Variants in DACH1 observed in about 807,000 individuals in gnomAD.
DACH1 encodes the protein dachshund family transcription factor 1, also known as dachshund homolog 1.
A neutral mutation model predicts 54.2 loss-of-function variants in DACH1; 12 were observed. That is an observed-to-expected ratio of 0.22 (90% CI 0.14 to 0.36). DACH1 has a LOEUF of 0.36. DACH1 is among the 10% of genes least tolerant of loss of function. DACH1 has a pLI of 1.00. For synonymous variants in DACH1, 386 were observed against 366.2 expected (o/e 1.05, Z -0.62); for missense variants, 805 against 929.8 (o/e 0.87, Z 1.75).
At chr13:71,669,386 G>A (rs1880076397) in intron 2 of DACH1, among the ~76,000 whole-genome samples, 4 of 152,146 alleles carry the variant, frequency 2.6e-5, no homozygotes, top group South Asian at 2.1e-4. Flanking sequence ...CTGCACATGC[G>A]AGAGATCTAG....
intron 3 of DACH1, among the ~76,000 whole-genome samples, chr13:71,599,300 T>A (rs1311856766): frequency 6.6e-6 from 1 of 152,138 alleles, no homozygotes; most frequent in African/African-American, 2.4e-5. Flanking sequence ...TTTAGCTAAA[T>A]CAAATGAATT....
At chr13:71,804,701 C>T (rs571741556) in intron 1 of DACH1, among the ~76,000 whole-genome samples, 54 of 152,244 alleles carry the variant, frequency 3.5e-4, no homozygotes, top group Non-Finnish European at 6.0e-4. Context: ...TGTTAAGGTA[C>T]TAGTCAAAGT....
Position 71,532,259 on chromosome 13 carries a change from C to G in DACH1, c.1570+24765G>C, listed in dbSNP as rs533788373. On this transcript the variant is annotated intron_variant, in intron 6 of 10. Transcript: ENST00000613252. ...TTAGACTATATTGTTAAAATCTAACCTTTCAAGAGAGTTTAAGAAAAAGAT... is the reference window on the plus strand; with the variant it reads ...TTAGACTATATTGTTAAAATCTAACGTTTCAAGAGAGTTTAAGAAAAAGAT... 2.0e-5 allele frequency among the ~76,000 whole-genome samples: 3 copies of G among 151,816 alleles called. No individual in the cohort carries two copies. In the South Asian group the frequency reaches 6.2e-4, roughly 32 times the overall value.
At chr13:71,687,715 C>G (rs1169276406) in intron 1 of DACH1, among the ~76,000 whole-genome samples, 2 of 152,120 alleles carry the variant, frequency 1.3e-5, no homozygotes, top group Admixed American at 6.6e-5. Context: ...CTCAGGTGAT[C>G]CTCCCCGCTC....
At chr13:71,481,912 C>T (rs1184376032) in intron 7 of DACH1, among the ~76,000 whole-genome samples, 2 of 152,092 alleles carry the variant, frequency 1.3e-5, no homozygotes, top group Non-Finnish European at 2.9e-5. Context: ...CAAACGGTCA[C>T]GTTAAATGCT....
At position 71,735,272 on chromosome 13, in the gene DACH1, AC is replaced by A. The variant is rs529835158; in HGVS notation, c.849-53363del. Among the ~76,000 whole-genome samples, 6 of 42,344 alleles carry A rather than the reference AC, an allele frequency of 1.4e-4. 1 individual carries two copies. The East Asian group carries it at 1.9e-3, about 13-fold the overall frequency. 27.8% of individuals were successfully genotyped at this position (42,344 alleles called of 152,430 possible). A position where few individuals can be genotyped will look rare whatever the true frequency, so the allele number is the denominator to read the frequency against. ...TGGGATATACGTGTATATGGGATAC[AC>A]GTATGTATATGGGATATACACGTAT... On this transcript the variant is annotated intron_variant, in intron 1 of 10. Coordinates refer to ENST00000613252, the MANE Select transcript of DACH1 (RefSeq NM_080759.6).
At chr13:71,532,898 T>A (rs1364131841) in intron 6 of DACH1, among the ~76,000 whole-genome samples, 1 of 151,922 alleles carries the variant, frequency 6.6e-6, no homozygotes, top group Non-Finnish European at 1.5e-5. Flanking sequence ...AGGCTAGGCC[T>A]AACTTTAAAT....
At chr13:71,678,234 T>C (rs1239273189) in intron 2 of DACH1, among the ~76,000 whole-genome samples, 1 of 152,204 alleles carries the variant, frequency 6.6e-6, no homozygotes, top group Non-Finnish European at 1.5e-5. Flanking sequence ...CGGTAGACTG[T>C]TGTGGGAGAA....
At chr13:71,633,620 A>ACACACT (rs1877264364) in intron 2 of DACH1, among the ~76,000 whole-genome samples, 1 of 151,858 alleles carries the variant, frequency 6.6e-6, no homozygotes, top group African/African-American at 2.4e-5. Context: ...ACACACACAC[A>ACACACT]CTCATACACT....
chr13:71,632,174 G>A (rs369260529), intron 2 of DACH1, among the ~76,000 whole-genome samples: 15 of 152,126 alleles, frequency 9.9e-5, no homozygotes, highest in East Asian at 5.8e-4. Flanking sequence ...ACAAGATCTC[G>A]GAAGATCAGA....
intron 1 of DACH1, among the ~76,000 whole-genome samples, chr13:71,826,018 G>A (rs1256925127): frequency 6.6e-6 from 1 of 152,042 alleles, no homozygotes; most frequent in African/African-American, 2.4e-5. Flanking sequence ...CACACCCTGA[G>A]TCCACTGCCT....
chr13:71,806,412 A>G (rs1485161705), intron 1 of DACH1, among the ~76,000 whole-genome samples: 2 of 152,184 alleles, frequency 1.3e-5, no homozygotes, highest in South Asian at 4.1e-4. Context: ...TTGTCACAAA[A>G]TTAACTTAGA....
chr13:71,610,991 C>T (rs1013501319), intron 3 of DACH1, among the ~76,000 whole-genome samples: 6 of 152,046 alleles, frequency 3.9e-5, no homozygotes, highest in Non-Finnish European at 8.8e-5. Context: ...ACATTTGAGC[C>T]CCATACACAC....
chr13:71,517,197 G>A (rs1881226441), intron 6 of DACH1, among the ~76,000 whole-genome samples: 1 of 151,704 alleles, frequency 6.6e-6, no homozygotes. Flanking sequence ...GGCCACTGTT[G>A]GAATCCTGCC....
intron 7 of DACH1, among the ~76,000 whole-genome samples, chr13:71,488,268 T>C (rs1878702450): frequency 1.3e-5 from 2 of 152,162 alleles, no homozygotes; most frequent in Admixed American, 1.3e-4. Flanking sequence ...TATGGAGAAG[T>C]AGATGACAAA....
chr13:71,796,577 A>G (rs1352580096), intron 1 of DACH1, among the ~76,000 whole-genome samples: 1 of 152,148 alleles, frequency 6.6e-6, no homozygotes, highest in Non-Finnish European at 1.5e-5. Flanking sequence ...CTCCCAAGGC[A>G]TGTTTATGAT....
intron 1 of DACH1, among the ~76,000 whole-genome samples, chr13:71,815,911 C>T (rs1038668040): frequency 6.6e-6 from 1 of 151,818 alleles, no homozygotes; most frequent in East Asian, 1.9e-4. Flanking sequence ...CGGTGAAACC[C>T]CGTCTCTACT....
chr13:71,489,676 T>G (rs898738481), intron 6 of DACH1, among the ~76,000 whole-genome samples: 12 of 152,116 alleles, frequency 7.9e-5, no homozygotes, highest in African/African-American at 2.2e-4. Context: ...AAAGAAAAAC[T>G]GGAATCCAAA....
At chr13:71,853,908 T>C (rs1464853866) in intron 1 of DACH1, among the ~76,000 whole-genome samples, 1 of 152,144 alleles carries the variant, frequency 6.6e-6, no homozygotes, top group Non-Finnish European at 1.5e-5. Flanking sequence ...CAATTCCCTC[T>C]TGGACATGGT....
Sources: allele counts gnomAD v4.1 joint callset (sites outside exome capture counted in the v4.1 genomes callset), GRCh38; gene constraint gnomAD v4.1.1; transcripts MANE v1.5; gene names NCBI Gene and HGNC (gene_info 2026-07-23, HGNC 2026-07-21).